The following TAF3 variants were observed in gnomAD, a reference collection of about 807,000 sequenced individuals.
The protein encoded by TAF3 is TATA-box binding protein associated factor 3, also known as transcription initiation factor TFIID subunit 3.
Under a neutral mutation model 80.6 loss-of-function variants are expected in TAF3, and 7 were observed. That is an observed-to-expected ratio of 0.09 (90% CI 0.05 to 0.16). The LOEUF (loss-of-function observed/expected upper bound fraction) is 0.16, where lower values mean the gene tolerates loss of function less well. TAF3 is among the 10% of genes least tolerant of loss of function. The pLI, the probability that TAF3 is intolerant of heterozygous loss-of-function variation, is 1.00. For missense variants in TAF3, 921 were observed against 1,140.2 expected, an observed-to-expected ratio of 0.81 and a Z score of 2.77; for synonymous variants, 444 against 446.1, an observed-to-expected ratio of 1.00 and a Z score of 0.06.
intron 2 of TAF3, among the ~76,000 whole-genome samples, chr10:7,943,102 C>G (rs1837991718): frequency 6.6e-6 from 1 of 152,204 alleles, no homozygotes; most frequent in Admixed American, 6.5e-5. Flanking sequence ...TGATCCTGCT[C>G]AGATCAAAGG....
chr10:7,880,239 G>GA (rs1564355010), intron 2 of TAF3, among the ~76,000 whole-genome samples: 1 of 151,926 alleles, frequency 6.6e-6, no homozygotes, highest in Non-Finnish European at 1.5e-5. Context: ...CCTTGTCTCG[G>GA]AAAAAATAAA....
intron 2 of TAF3, among the ~76,000 whole-genome samples, chr10:7,830,930 T>C (rs1220145411): frequency 1.3e-5 from 2 of 152,196 alleles, no homozygotes; most frequent in Admixed American, 1.3e-4. Flanking sequence ...GCTCAATGTG[T>C]TTCTCAAAAT....
chr10:7,873,414 T>A (rs1837284758), intron 2 of TAF3, among the ~76,000 whole-genome samples: 1 of 152,182 alleles, frequency 6.6e-6, no homozygotes, highest in Admixed American at 6.5e-5. Flanking sequence ...ACAATAAAAA[T>A]GTAGGGTAAA....
chr10:7,865,993 G>A (rs1381237465), intron 2 of TAF3, among the ~76,000 whole-genome samples: 3 of 152,144 alleles, frequency 2.0e-5, no homozygotes, highest in East Asian at 1.9e-4. Flanking sequence ...CTTGACTTTC[G>A]TTTTACCCAA....
chr10:7,841,013 C>G (rs1192612150), intron 2 of TAF3, among the ~76,000 whole-genome samples: 3 of 152,092 alleles, frequency 2.0e-5, no homozygotes. Flanking sequence ...CCACACCTGG[C>G]TAATTTTTGG....
chr10:7,977,071 G>T (rs1831680471), intron 3 of TAF3, among the ~76,000 whole-genome samples, 170 bp from the exon 4 acceptor site: 1 of 152,150 alleles, frequency 6.6e-6, no homozygotes, highest in African/African-American at 2.4e-5. Flanking sequence ...ATGATGCCAG[G>T]TAGCCTTCAG....
intron 1 of TAF3, among the ~76,000 whole-genome samples, chr10:7,823,256 G>A (rs533975292): frequency 6.6e-6 from 1 of 151,990 alleles, no homozygotes; most frequent in Admixed American, 6.6e-5. Flanking sequence ...TTAAGATTCT[G>A]CAGATGCATC....
At chr10:7,985,760 C>T (rs1172810886) in intron 4 of TAF3, among the ~76,000 whole-genome samples, 1 of 150,292 alleles carries the variant, frequency 6.7e-6, no homozygotes, top group African/African-American at 2.4e-5. Context: ...ACGCTAGACT[C>T]AGTCTCTCAT....
At chr10:8,014,254 C>T (rs906115300) in intron 6 of TAF3, among the ~76,000 whole-genome samples, 2 of 152,106 alleles carry the variant, frequency 1.3e-5, no homozygotes, top group East Asian at 1.9e-4. Flanking sequence ...TTCAGCGGTT[C>T]CTAAAAACTG....
chr10:8,006,604 G>A (rs1419497616), intron 4 of TAF3, among the ~76,000 whole-genome samples: 1 of 152,222 alleles, frequency 6.6e-6, no homozygotes, highest in Non-Finnish European at 1.5e-5. Context: ...GATCACCCTT[G>A]CAGGAAACAA....
intron 3 of TAF3, among the ~76,000 whole-genome samples, chr10:7,971,135 CTG>C (rs1267222406): frequency 6.6e-6 from 1 of 152,226 alleles, no homozygotes; most frequent in African/African-American, 2.4e-5. Context: ...AGCTCATATT[CTG>C]TCTCAGCTGT....
At chr10:7,961,923 C>A (rs1009725001) in intron 2 of TAF3, among the ~76,000 whole-genome samples, 6 of 152,014 alleles carry the variant, frequency 3.9e-5, no homozygotes, top group African/African-American at 1.5e-4. Context: ...AATCATGGCT[C>A]ATTGCAGCCT....
chr10:7,830,758 C>G (rs1297668286), intron 2 of TAF3, among the ~76,000 whole-genome samples: 1 of 152,012 alleles, frequency 6.6e-6, no homozygotes, highest in East Asian at 1.9e-4. Flanking sequence ...TGCTGGGATT[C>G]CAGGCGTGAG....
intron 4 of TAF3, among the ~76,000 whole-genome samples, chr10:8,007,190 A>G (rs1044186951): frequency 6.6e-6 from 1 of 152,190 alleles, no homozygotes; most frequent in African/African-American, 2.4e-5. Flanking sequence ...AATACCATGG[A>G]ATACAATATA....
chr10:7,998,255 ATATATATATG>A (rs1397220468), intron 4 of TAF3, among the ~76,000 whole-genome samples: 2 of 104,530 alleles, frequency 1.9e-5, no homozygotes, highest in East Asian at 2.7e-4. Context: ...ATATATATAT[ATATATATATG>A]TATATATATA....
intron 2 of TAF3, among the ~76,000 whole-genome samples, chr10:7,830,197 C>G: frequency 6.6e-6 from 1 of 152,086 alleles, no homozygotes; most frequent in Non-Finnish European, 1.5e-5. Context: ...GCAGTTCTTG[C>G]TGTGAACACC....
intron 2 of TAF3, among the ~76,000 whole-genome samples, chr10:7,846,207 T>C (rs1836970905): frequency 1.3e-5 from 2 of 152,188 alleles, no homozygotes; most frequent in Non-Finnish European, 1.5e-5. Flanking sequence ...TCTGCCCGCC[T>C]TGGCCTCCCG....
intron 2 of TAF3, among the ~76,000 whole-genome samples, chr10:7,849,292 T>A (rs1017628770): frequency 6.6e-6 from 1 of 152,150 alleles, no homozygotes; most frequent in Non-Finnish European, 1.5e-5. Flanking sequence ...AGAGCTTTTT[T>A]AAAAAAATTA....
At chr10:7,885,928 T>A (rs990989672) in intron 2 of TAF3, among the ~76,000 whole-genome samples, 2 of 151,708 alleles carry the variant, frequency 1.3e-5, no homozygotes, top group African/African-American at 4.9e-5. Flanking sequence ...CTGTTGATAC[T>A]TTTTTTTAAT....
Sources: gnomAD v4.1 joint callset for allele counts (sites outside exome capture counted in the v4.1 genomes callset) on GRCh38, gnomAD v4.1.1 for gene constraint, MANE v1.5 for transcripts, NCBI Gene and HGNC (gene_info 2026-07-23, HGNC 2026-07-21) for gene names.